Variants in SORCS2 observed in about 807,000 individuals in gnomAD.
SORCS2 encodes VPS10 domain-containing receptor SorCS2.
SORCS2 carries 100 observed loss-of-function variants against 141.6 expected under a neutral mutation model. The ratio of observed to expected loss-of-function variants is 0.71; its 90% confidence interval spans 0.60 to 0.83. SORCS2 has a LOEUF of 0.83. Among genes scored for constraint, SORCS2 ranks in the 40% least tolerant of loss-of-function variants. SORCS2 has a pLI of 0.00. For missense variants in SORCS2, 1,646 were observed against 1,560.2 expected, an observed-to-expected ratio of 1.05 and a Z score of -0.93; for synonymous variants, 789 against 676.9, an observed-to-expected ratio of 1.17 and a Z score of -2.57.
At chr4:7,435,026 G>T (rs540815700) in intron 2 of SORCS2, 18 of 993,518 alleles carry the variant, frequency 1.8e-5, no homozygotes, top group Middle Eastern at 3.3e-4. Context: ...TGTGCCCGGG[G>T]ATTCCTGGCC....
intron 2 of SORCS2, among the ~76,000 whole-genome samples, chr4:7,512,375 A>G: frequency 9.2e-6 from 1 of 108,998 alleles, no homozygotes; most frequent in African/African-American, 3.4e-5. Context: ...GGAGGGAGGG[A>G]GGGAAGAAGG....
At position 7,669,047 on chromosome 4, in the gene SORCS2, A is replaced by G. The variant is rs28427417; in HGVS notation, c.1161+1834A>G. ...GGCTCCCTGGGCGTCTGCTCCCTGG[A>G]CCTGCAGATGCAATGTCAGTGAGAT... On this transcript the variant is annotated intron_variant, in intron 8 of 26. Coordinates refer to ENST00000507866, the MANE Select transcript of SORCS2 (RefSeq NM_020777.3). Among the ~76,000 whole-genome samples the G allele has an allele frequency of 1.9e-3, 288 of 152,290 alleles. 1 individual carries two copies. The highest frequency in any genetic ancestry group is 6.7e-3 in the African/African-American group (280 of 41,558).
chr4:7,598,327 C>A (rs1717422738), intron 3 of SORCS2, among the ~76,000 whole-genome samples: 2 of 152,282 alleles, frequency 1.3e-5, no homozygotes, highest in Non-Finnish European at 2.9e-5. Context: ...TTGTCCTAGG[C>A]TGCCCGATGA....
rs1037335982 is a variant in SORCS2, at chr4:7,410,925, G to A, written c.548+14570G>A. ...ACTTCTCAGCATTCCTAGCCCCTGG[G>A]CCCAGCAGCCTCTTCTCTCCATCCT... On this transcript the variant is annotated intron_variant, in intron 2 of 26. Coordinates refer to ENST00000507866, the MANE Select transcript of SORCS2 (RefSeq NM_020777.3). 1.4e-4 allele frequency among the ~76,000 whole-genome samples: 21 copies of A among 147,078 alleles called. 1 individual carries two copies. Among genetic ancestry groups the A allele is most frequent in the Admixed American group, 1.4e-3 (21 of 14,734 alleles).
chr4:7,733,140 A>C (rs1577134973), intron 23 of SORCS2, among the ~76,000 whole-genome samples, 182 bp from the exon 24 acceptor site: 4 of 99,500 alleles, frequency 4.0e-5, no homozygotes, highest in African/African-American at 1.6e-4. Context: ...CTCCCCTTTC[A>C]CCTGTAGCAG....
At chr4:7,609,822 G>A (rs1227615461) in intron 3 of SORCS2, among the ~76,000 whole-genome samples, 1 of 152,332 alleles carries the variant, frequency 6.6e-6, no homozygotes, top group East Asian at 1.9e-4. Context: ...TGTCTCTTGT[G>A]TATCAGTGGT....
intron 3 of SORCS2, among the ~76,000 whole-genome samples, chr4:7,632,733 A>G (rs575189916): frequency 6.6e-6 from 1 of 152,272 alleles, no homozygotes; most frequent in East Asian, 1.9e-4. Flanking sequence ...ATTCATTGGG[A>G]TCACGGTGCT....
intron 3 of SORCS2, among the ~76,000 whole-genome samples, chr4:7,593,098 T>C (rs1577806382): frequency 6.6e-6 from 1 of 151,922 alleles, no homozygotes; most frequent in African/African-American, 2.4e-5. Context: ...AGTCAGGAGG[T>C]TGAGGTTGCA....
In SORCS2 at chr4:7,715,322, G is replaced by A. The variant is rs779248974; in HGVS notation, c.2252+11G>A. 1 of 1,613,378 alleles carries A rather than the reference G, an allele frequency of 6.2e-7. No individual in the cohort carries two copies. Among genetic ancestry groups the A allele is most frequent in the South Asian group, 1.1e-5 (1 of 91,040 alleles). On this transcript the variant is annotated intron_variant, in intron 17 of 26. Transcript: ENST00000507866. ...CACCAGCAGCCTTGGGTGAGTGTGG[G>A]TGCGGGCCTCTCCCTGCCTAAATCC... is the stretch of plus-strand genomic sequence containing the variant.
intron 2 of SORCS2, among the ~76,000 whole-genome samples, chr4:7,495,649 C>T (rs1731568525): frequency 6.6e-6 from 1 of 152,192 alleles, no homozygotes; most frequent in Non-Finnish European, 1.5e-5. Context: ...CTGGGAGGGC[C>T]ATGGACGTCA....
chr4:7,597,737 G>A (rs1717377014), intron 3 of SORCS2, among the ~76,000 whole-genome samples: 2 of 151,804 alleles, frequency 1.3e-5, no homozygotes, highest in African/African-American at 2.4e-5. Context: ...ATGGAAGAGG[G>A]GGCTATTGCA....
At chr4:7,691,362 T>A (rs1034924747) in intron 11 of SORCS2, among the ~76,000 whole-genome samples, 2 of 152,140 alleles carry the variant, frequency 1.3e-5, no homozygotes, top group African/African-American at 4.8e-5. Flanking sequence ...AATGGCCTTC[T>A]GGGTGGAAGG....
intron 1 of SORCS2, among the ~76,000 whole-genome samples, chr4:7,366,270 C>T (rs1721879114): frequency 6.6e-6 from 1 of 151,916 alleles, no homozygotes; most frequent in Non-Finnish European, 1.5e-5. Context: ...TCAGTCCTGC[C>T]CCTGCCCTCT....
intron 1 of SORCS2, among the ~76,000 whole-genome samples, chr4:7,386,048 T>A (rs558724772): frequency 7.4e-4 from 113 of 152,294 alleles, no homozygotes; most frequent in African/African-American, 2.6e-3. Flanking sequence ...GCAGCCACAC[T>A]TTGGAGTGGC....
chr4:7,232,410 G>A (rs757841154), intron 1 of SORCS2, among the ~76,000 whole-genome samples: 2 of 152,150 alleles, frequency 1.3e-5, no homozygotes, highest in Non-Finnish European at 2.9e-5. Context: ...CCTGGACGCC[G>A]GAGAGCGCTA....
At chr4:7,734,477 C>G in intron 25 of SORCS2, 103 bp downstream of exon 25, 4 of 784,674 alleles carry the variant, frequency 5.1e-6, no homozygotes, top group Non-Finnish European at 5.9e-6. Context: ...CCAGCAGGGC[C>G]TCAGAAGGGA....
At chr4:7,263,079 C>G (rs751046576) in intron 1 of SORCS2, among the ~76,000 whole-genome samples, 1 of 152,172 alleles carries the variant, frequency 6.6e-6, no homozygotes, top group African/African-American at 2.4e-5. Flanking sequence ...CAGAGACCTG[C>G]GATTAAATCT....
At chr4:7,465,229 A>C (rs1204618570) in intron 2 of SORCS2, among the ~76,000 whole-genome samples, 2 of 152,246 alleles carry the variant, frequency 1.3e-5, no homozygotes, top group African/African-American at 4.8e-5. Flanking sequence ...ATTCTCCTGC[A>C]TTTAGCCCTC....
intron 2 of SORCS2, among the ~76,000 whole-genome samples, chr4:7,507,809 G>C (rs933387183): frequency 6.6e-6 from 1 of 152,092 alleles, no homozygotes; most frequent in Non-Finnish European, 1.5e-5. Flanking sequence ...CACGGGGTTG[G>C]GTCTCTGTGT....
Sources: gnomAD v4.1 joint callset for allele counts (sites outside exome capture counted in the v4.1 genomes callset) on GRCh38, gnomAD v4.1.1 for gene constraint, MANE v1.5 for transcripts, NCBI Gene and HGNC (gene_info 2026-07-23, HGNC 2026-07-21) for gene names.